The following ARHGAP25 variants were observed in gnomAD, a reference collection of about 807,000 sequenced individuals.
ARHGAP25 encodes the protein Rho GTPase activating protein 25, also known as rho GTPase-activating protein 25.
Under a neutral mutation model 71.0 loss-of-function variants are expected in ARHGAP25, and 34 were observed. The ratio of observed to expected loss-of-function variants is 0.48; its 90% CI spans 0.36 to 0.64. ARHGAP25 has a LOEUF of 0.64. Among genes scored for constraint, ARHGAP25 ranks in the 30% least tolerant of loss-of-function variants. ARHGAP25 has a pLI of 0.00. For missense variants in ARHGAP25, 706 were observed against 805.1 expected (o/e 0.88, Z 1.49); for synonymous variants, 282 against 296.5 (o/e 0.95, Z 0.50).
chr2:68,768,641 G>A (rs61021308), intron 1 of ARHGAP25, among the ~76,000 whole-genome samples: 2,820 of 152,216 alleles, frequency 0.019, 74 homozygotes, highest in African/African-American at 0.064. Flanking sequence ...GTTCCTGAAC[G>A]TCTATGCAAA....
At chr2:68,734,281 A>G (rs77254574), upstream of ARHGAP25, among the ~76,000 whole-genome samples, 1,875 of 152,282 alleles carry the variant, frequency 0.012, 38 homozygotes, top group African/African-American at 0.043. Flanking sequence ...AGCCCACACC[A>G]TGTATACAGC....
intron 2 of ARHGAP25, 87 bp downstream of exon 2, chr2:68,775,507 C>G (rs915924762): frequency 3.1e-6 from 5 of 1,587,704 alleles, no homozygotes; most frequent in Non-Finnish European, 4.3e-6. Context: ...CTCACAGGGG[C>G]CTTCTCAATA....
chr2:68,809,202 T>C (rs188896435), intron 5 of ARHGAP25, among the ~76,000 whole-genome samples: 25 of 152,134 alleles, frequency 1.6e-4, no homozygotes, highest in African/African-American at 5.3e-4. Flanking sequence ...TTCCCCTTTT[T>C]CTGCCCTCTC....
At chr2:68,812,224 A>C (rs888940631) in intron 5 of ARHGAP25, among the ~76,000 whole-genome samples, 1 of 150,206 alleles carries the variant, frequency 6.7e-6, no homozygotes, top group African/African-American at 2.5e-5. Flanking sequence ...TGACATCTGA[A>C]TTTCCTGTAA....
chr2:68,713,098 G>A (rs1008362846), intron 2 of ARHGAP25, among the ~76,000 whole-genome samples: 2 of 152,158 alleles, frequency 1.3e-5, no homozygotes, highest in African/African-American at 2.4e-5. Context: ...ATTACTTTGG[G>A]CAGTATGGTC....
intron 2 of ARHGAP25, among the ~76,000 whole-genome samples, chr2:68,722,565 G>A (rs552603455): frequency 1.4e-5 from 2 of 139,796 alleles, no homozygotes; most frequent in Admixed American, 7.3e-5. Context: ...ATGACAGAGC[G>A]AGACCCTGTC....
chr2:68,741,022 A>C (rs1438363922), intron 1 of ARHGAP25, among the ~76,000 whole-genome samples: 1 of 152,206 alleles, frequency 6.6e-6, no homozygotes, highest in Non-Finnish European at 1.5e-5. Flanking sequence ...ACATATGCTG[A>C]GAGGAAGAAA....
At chr2:68,822,253 T>C in intron 9 of ARHGAP25, 87 bp from the exon 10 acceptor site, 1 of 1,335,268 alleles carries the variant, frequency 7.5e-7, no homozygotes, top group Non-Finnish European at 1.0e-6. Context: ...AGGAAACTTT[T>C]GTTTTGGGGT....
At chr2:68,734,143 T>C (rs1447348291), upstream of ARHGAP25, among the ~76,000 whole-genome samples, 1 of 152,226 alleles carries the variant, frequency 6.6e-6, no homozygotes, top group Non-Finnish European at 1.5e-5. Context: ...TGTGTCAAGC[T>C]CTGCACTAGA....
chr2:68,711,864 A>G (rs1424086723), intron 2 of ARHGAP25, among the ~76,000 whole-genome samples: 1 of 152,172 alleles, frequency 6.6e-6, no homozygotes, highest in Non-Finnish European at 1.5e-5. Flanking sequence ...TTTTTTACGG[A>G]TGAATAGTAT....
intron 1 of ARHGAP25, among the ~76,000 whole-genome samples, chr2:68,751,888 T>A (rs983063679): frequency 2.6e-5 from 4 of 152,174 alleles, no homozygotes; most frequent in Non-Finnish European, 4.4e-5. Flanking sequence ...TCCTGTTCAT[T>A]GCGAGGTGTA....
At chr2:68,799,223 A>G (rs1251605339) in intron 4 of ARHGAP25, among the ~76,000 whole-genome samples, 2 of 152,184 alleles carry the variant, frequency 1.3e-5, no homozygotes, top group Non-Finnish European at 2.9e-5. Flanking sequence ...TTCCTGGCCT[A>G]TTAATGAATG....
At chr2:68,799,470 A>G (rs927679834) in intron 4 of ARHGAP25, among the ~76,000 whole-genome samples, 3 of 152,158 alleles carry the variant, frequency 2.0e-5, no homozygotes, top group African/African-American at 7.2e-5. Context: ...GCAACTCTGA[A>G]AGCATTTCCA....
chr2:68,774,625 C>A (rs971774031), intron 1 of ARHGAP25, among the ~76,000 whole-genome samples: 4 of 152,200 alleles, frequency 2.6e-5, no homozygotes, highest in African/African-American at 9.7e-5. Context: ...CAACTCCCTG[C>A]AGGCTGGCCC....
chr2:68,825,257 T>C (rs1349904864), intron 10 of ARHGAP25, among the ~76,000 whole-genome samples: 2 of 152,072 alleles, frequency 1.3e-5, no homozygotes, highest in Non-Finnish European at 2.9e-5. Flanking sequence ...TGCTCTCCAT[T>C]GACACAGGAT....
At chr2:68,740,927 G>C (rs1318269041) in intron 1 of ARHGAP25, among the ~76,000 whole-genome samples, 1 of 152,256 alleles carries the variant, frequency 6.6e-6, no homozygotes, top group Non-Finnish European at 1.5e-5. Context: ...TGTGATATAG[G>C]AAAGTGTGCA....
chr2:68,774,100 C>T (rs150818209), intron 1 of ARHGAP25, among the ~76,000 whole-genome samples: 2 of 152,150 alleles, frequency 1.3e-5, no homozygotes, highest in Non-Finnish European at 2.9e-5. Context: ...TGGACAAAAG[C>T]TGAAAAAGGG....
At chr2:68,803,330 G>A (rs1054209680) in intron 4 of ARHGAP25, among the ~76,000 whole-genome samples, 1 of 152,204 alleles carries the variant, frequency 6.6e-6, no homozygotes, top group Admixed American at 6.5e-5. Context: ...AGATCAGTAA[G>A]TAGGGTGTGG....
intron 5 of ARHGAP25, 63 bp downstream of exon 5, chr2:68,807,543 G>A (rs1359876403): frequency 9.8e-6 from 15 of 1,523,536 alleles, no homozygotes; most frequent in African/African-American, 1.4e-5. Context: ...GGCTGGGAGG[G>A]CCTCTCCATT....
Sources: gnomAD v4.1 joint callset for allele counts (sites outside exome capture counted in the v4.1 genomes callset) on GRCh38, gnomAD v4.1.1 for gene constraint, MANE v1.5 for transcripts, NCBI Gene and HGNC (gene_info 2026-07-23, HGNC 2026-07-21) for gene names.